Variants in C11orf21 observed in about 807,000 individuals in gnomAD.
C11orf21 encodes uncharacterized protein C11orf21.
C11orf21 carries 19 observed loss-of-function variants against 15.2 expected under a neutral mutation model. The ratio of observed to expected loss-of-function variants is 1.25; its 90% CI spans 0.87 to 1.84. The LOEUF (loss-of-function observed/expected upper bound fraction) is 1.84, where lower values mean the gene tolerates loss of function less well. Ranked by LOEUF, C11orf21 falls within the 40% of genes most tolerant of loss-of-function variation. The probability of loss-of-function intolerance (pLI) is 0.00; values close to 1 mark genes in which losing one functional copy is unlikely to be tolerated. For missense variants in C11orf21, 171 were observed against 174.4 expected (o/e 0.98, Z 0.11); for synonymous variants, 62 against 66.8 (o/e 0.93, Z 0.35).
intron 3 of C11orf21, 147 bp downstream of exon 3, chr11:2,299,281 C>T (rs1208711254): frequency 1.1e-5 from 9 of 815,280 alleles, no homozygotes; most frequent in East Asian, 2.7e-5. Flanking sequence ...CAGGTGCCCG[C>T]GTGGCCCCCA....
upstream of C11orf21, chr11:2,302,637 A>G (rs1286094822): frequency 6.7e-6 from 4 of 592,900 alleles, no homozygotes; most frequent in South Asian, 4.0e-5. Context: ...TGCGTCTACC[A>G]TGTGGGGGTG....
rs114342362 is a variant in C11orf21 at position 2,301,853 on chromosome 11, C to T, written c.-45G>A. ...CCGTCCTCAGTGGCCACACCAAGAA[C>T]GAGGCCATGTCTTCCTGGGAAGGGC... On this transcript the variant is annotated 5_prime_UTR_variant, in exon 1 of 4. Coordinates refer to ENST00000381153, the MANE Select transcript of C11orf21 (RefSeq NM_001329958.2). The T allele has an allele frequency of 3.6e-3, 5,590 of 1,550,462 alleles. 163 individuals carry two copies. The African/African-American group carries it at 0.069, about 19-fold the overall frequency.
At chr11:2,299,385 C>T in intron 3 of C11orf21, 43 bp downstream of exon 3, 1 of 1,530,580 alleles carries the variant, frequency 6.5e-7, no homozygotes, top group Non-Finnish European at 8.8e-7. Flanking sequence ...TCACAGACAG[C>T]ACAGGGGCCC....
intron 3 of C11orf21, among the ~76,000 whole-genome samples, chr11:2,298,954 C>T (rs1847601213): frequency 1.3e-5 from 2 of 152,150 alleles, no homozygotes; most frequent in South Asian, 2.1e-4. Flanking sequence ...CAGCAGCCCA[C>T]GGCACTGAGA....
rs1847562802 is a variant in C11orf21 at position 2,297,747 on chromosome 11, C to G, written c.*203G>C. 3 of 152,310 alleles carry G rather than the reference C, an allele frequency of 2.0e-5. No individual in the cohort carries two copies. Among genetic ancestry groups the G allele is most frequent in the Middle Eastern group, 6.8e-3 (2 of 294 alleles). The allele number at this position is 152,310 out of a possible 1,614,324, so 9.4% of individuals were successfully genotyped here. On this transcript the variant is annotated 3_prime_UTR_variant, in exon 4 of 4. Coordinates refer to ENST00000381153, the MANE Select transcript of C11orf21 (RefSeq NM_001329958.2). ...GTGCTGGGAGCTGTCTCAGTTAGCT[C>G]CAATCTGCCATAAGGAAGCACTGCA... is the stretch of plus-strand genomic sequence containing the variant.
chr11:2,297,582 A>G lies in C11orf21; in HGVS notation c.*368T>C, dbSNP rs1847557526. 6.6e-6 allele frequency: 1 copy of G among 152,142 alleles called. No individual in the cohort carries two copies. Among genetic ancestry groups the G allele is most frequent in the African/African-American group, 2.4e-5 (1 of 41,408 alleles). The allele number at this position is 152,142 out of a possible 1,614,324, so 9.4% of individuals were successfully genotyped here. A position where few individuals can be genotyped will look rare whatever the true frequency, so the allele number is the denominator to read the frequency against. ...CACCGCTGGGGTTCTCAGGGCATCT[A>G]CCCTTTCCGCTGTAGCCCACTGTCT... On this transcript the variant is annotated 3_prime_UTR_variant, in exon 4 of 4. Transcript: ENST00000381153.
At chr11:2,302,804 C>G (rs768551041), upstream of C11orf21, 10 of 1,560,664 alleles carry the variant, frequency 6.4e-6, no homozygotes. Context: ...GCTCCTGCAG[C>G]AGTCCCATGC....
intron 3 of C11orf21, among the ~76,000 whole-genome samples, chr11:2,298,543 C>T (rs1022681860): frequency 3.3e-5 from 5 of 152,190 alleles, no homozygotes; most frequent in Non-Finnish European, 1.5e-5. Context: ...GGGACCTTCC[C>T]CTGCCCCCAG....
Position 2,299,641 on chromosome 11 carries a change from G to A in C11orf21, c.214C>T (p.Pro72Ser). The part of the protein sequence containing the change: ...QPSAHGALVP[P>S]ATAHEPVDHP... ...TCCACAGGTTCATGAGCGGTGGCAGGTGGAACAAGGGCACCATGGGCGGAG... is the reference window on the plus strand; with the variant it reads ...TCCACAGGTTCATGAGCGGTGGCAGATGGAACAAGGGCACCATGGGCGGAG... The change falls in exon 3 of 4, where the codon CCT becomes TCT. Residue 72 changes from proline (P) to serine (S), a missense_variant. Transcript: ENST00000381153. The A allele has an allele frequency of 6.4e-7, 1 of 1,551,204 alleles. No homozygotes were observed. The highest frequency in any genetic ancestry group is 8.7e-7 in the Non-Finnish European group (1 of 1,146,952).
intron 3 of C11orf21, among the ~76,000 whole-genome samples, chr11:2,298,682 G>A (rs1471888357): frequency 1.3e-5 from 2 of 152,196 alleles, no homozygotes; most frequent in African/African-American, 4.8e-5. Flanking sequence ...GCCCAGGCAG[G>A]ACAGCAGGCT....
chr11:2,301,826 C>T lies in C11orf21; in HGVS notation c.-18G>A, dbSNP rs767855802. On this transcript the variant is annotated 5_prime_UTR_variant, in exon 1 of 4. Coordinates refer to ENST00000381153, the MANE Select transcript of C11orf21 (RefSeq NM_001329958.2). ...CTGCCCATGACTTTCCCCCTCTCAG[C>T]GCCGTCCTCAGTGGCCACACCAAGA... 26 of 1,550,662 alleles carry T rather than the reference C, an allele frequency of 1.7e-5. 1 individual carries two copies. Among genetic ancestry groups the T allele is most frequent in the South Asian group, 1.3e-4 (11 of 84,058 alleles).
intron 1 of C11orf21, 105 bp from the exon 2 acceptor site, chr11:2,300,718 CCAGGCCCGCCT>C (rs1847699742): frequency 6.4e-7 from 1 of 1,550,786 alleles, no homozygotes; most frequent in Admixed American, 2.0e-5. Flanking sequence ...GGGTGGTGCT[CCAGGCCCGCCT>C]CACCAGCTCC....
upstream of C11orf21, chr11:2,302,194 G>C: frequency 7.1e-7 from 1 of 1,412,394 alleles, no homozygotes; most frequent in Non-Finnish European, 9.3e-7. Context: ...GCCAGATGCT[G>C]GTCACCTGCT....
At chr11:2,300,093 TGGGCAGGGGTTTGTGAGG>T (rs1847651013) in intron 2 of C11orf21, among the ~76,000 whole-genome samples, 1 of 59,568 alleles carries the variant, frequency 1.7e-5, no homozygotes, top group Admixed American at 2.2e-4. Context: ...GTGTGTGGGG[TGGGCAGGGGTTTGTGAGG>T]GTGGGCAGGG....
At chr11:2,302,653 G>A, upstream of C11orf21, 1 of 598,246 alleles carries the variant, frequency 1.7e-6, no homozygotes, top group Non-Finnish European at 3.0e-6. Flanking sequence ...GGGTGCCTGT[G>A]AGTGTGCTGG....
At position 2,299,715 on chromosome 11, in the gene C11orf21, G is replaced by A; in HGVS notation, c.148-8C>T. The stretch of plus-strand genomic sequence containing the variant: ...CATTGAGCCAGGGGCCTCCTGGTGG[G>A]TAAGGACATTGTAGAGTGAGCGGGC... On this transcript the variant is annotated splice_region_variant and splice_polypyrimidine_tract_variant and intron_variant, in intron 2 of 3. Transcript: ENST00000381153. 4.5e-6 allele frequency: 7 copies of A among 1,550,892 alleles called. No homozygotes were observed. The highest frequency in any genetic ancestry group is 6.1e-6 in the Non-Finnish European group (7 of 1,146,856).
chr11:2,300,053 C>T (rs147505622), intron 2 of C11orf21, among the ~76,000 whole-genome samples: 3,085 of 131,724 alleles, frequency 0.023, 49 homozygotes, highest in Middle Eastern at 0.047. Flanking sequence ...TCCCAGCGGC[C>T]GGCACCACCT....
Position 2,297,854 on chromosome 11 carries a change from G to C in C11orf21, c.*96C>G, listed in dbSNP as rs1195512459. ...CAATATCAAGGTGCTGCTGATTCCAGTCTTGGTGAGGGCTCTCTTCCTGGC... is the reference window on the plus strand; with the variant it reads ...CAATATCAAGGTGCTGCTGATTCCACTCTTGGTGAGGGCTCTCTTCCTGGC... On this transcript the variant is annotated 3_prime_UTR_variant, in exon 4 of 4. Transcript: ENST00000381153. The C allele has an allele frequency of 6.6e-6, 1 of 152,290 alleles. No individual in the cohort carries two copies. Among genetic ancestry groups the C allele is most frequent in the Non-Finnish European group, 1.5e-5 (1 of 68,094 alleles). 9.4% of individuals were successfully genotyped at this position (152,290 alleles called of 1,614,324 possible). A position where few individuals can be genotyped will look rare whatever the true frequency, so the allele number is the denominator to read the frequency against.
rs1847511231 is a variant in C11orf21 at position 2,295,874 on chromosome 11, G to A, written c.*2076C>T. 3 of 152,264 alleles carry A rather than the reference G, an allele frequency of 2.0e-5. No homozygotes were observed. Among genetic ancestry groups the A allele is most frequent in the Admixed American group, 2.0e-4 (3 of 15,298 alleles). 9.4% of individuals were successfully genotyped at this position (152,264 alleles called of 1,614,324 possible). ...ACTCTCAAATATGCTCAATTTCTCTGTAAACATGAAACTGCTCTAAAAAAT... is the reference window on the plus strand; with the variant it reads ...ACTCTCAAATATGCTCAATTTCTCTATAAACATGAAACTGCTCTAAAAAAT... On this transcript the variant is annotated 3_prime_UTR_variant, in exon 4 of 4. Coordinates refer to ENST00000381153, the MANE Select transcript of C11orf21 (RefSeq NM_001329958.2). The surrounding 1 kb of genome is among the most constrained non-coding windows in gnomAD (Gnocchi z 5.4).
Sources: gnomAD v4.1 joint callset for allele counts (sites outside exome capture counted in the v4.1 genomes callset) on GRCh38, gnomAD v4.1.1 for gene constraint, Gnocchi (gnomAD v3.1) non-coding constraint, MANE v1.5 for transcripts, NCBI Gene and HGNC (gene_info 2026-07-23, HGNC 2026-07-21) for gene names.